DOCK11: variants seen among roughly 807,000 people sequenced by gnomAD.
DOCK11 encodes dedicator of cytokinesis protein 11.
Under a neutral mutation model 169.1 loss-of-function variants are expected in DOCK11, and 70 were observed. The ratio of observed to expected loss-of-function variants is 0.41; its 90% CI spans 0.34 to 0.51. The LOEUF (loss-of-function observed/expected upper bound fraction) is 0.51. Ranked by LOEUF, DOCK11 falls within the 20% of genes least tolerant of loss-of-function variation. The pLI is 0.10. For synonymous variants in DOCK11, 529 were observed against 541.3 expected (o/e 0.98, Z 0.32); for missense variants, 1,166 against 1,538.8 (o/e 0.76, Z 4.05).
intron 46 of DOCK11, among the ~76,000 whole-genome samples, chrX:118,674,436 G>A (rs1435548522): frequency 4.5e-5 from 5 of 112,233 alleles, no homozygotes; most frequent in African/African-American, 1.3e-4. Context: ...GTGAGCCACC[G>A]CACCTGGCCT....
At chrX:118,600,029 A>G (rs978590832) in intron 23 of DOCK11, among the ~76,000 whole-genome samples, 5 of 111,853 alleles carry the variant, frequency 4.5e-5, no homozygotes, top group African/African-American at 9.7e-5. Context: ...ACCATGACCA[A>G]GTTACTTCTC....
chrX:118,662,081 G>GAT (rs1196087940), intron 44 of DOCK11, among the ~76,000 whole-genome samples: 1 of 112,173 alleles, frequency 8.9e-6, no homozygotes. Context: ...GTCCCAGGGA[G>GAT]ATAAACATTA....
At chrX:118,649,612 G>A (rs1000243442) in intron 41 of DOCK11, among the ~76,000 whole-genome samples, 2 of 111,228 alleles carry the variant, frequency 1.8e-5, no homozygotes, top group African/African-American at 6.5e-5. Flanking sequence ...TCCACCTCCC[G>A]GGCTCAAGTG....
Position 118,593,334 on chromosome X carries a change from C to T in DOCK11, c.2260C>T (p.Pro754Ser). ...CAAAAAGCAAGACACAGTTGAAACT[C>T]CAGGTACGTGTTCTCTTTAAATGTC... Reference protein sequence around the residue: ...TTKKQDTVETPVGFAWVPLLK... With the variant: ...TTKKQDTVETSVGFAWVPLLK... The change falls in exon 20 of 53, where the codon CCA (proline) becomes TCA (serine). Residue 754 changes from proline to serine, a missense_variant. Transcript: ENST00000276202. The T allele has an allele frequency of 1.7e-6, 2 of 1,200,352 alleles. No individual in the cohort carries two copies. Among genetic ancestry groups the T allele is most frequent in the Non-Finnish European group, 2.2e-6 (2 of 891,135 alleles).
At chrX:118,556,900 G>A (rs1181755059) in intron 6 of DOCK11, among the ~76,000 whole-genome samples, 1 of 111,104 alleles carries the variant, frequency 9.0e-6, no homozygotes, top group Non-Finnish European at 1.9e-5. Flanking sequence ...CCACTCTTCA[G>A]GATCTGTGTT....
chrX:118,581,932 C>A (rs1056001305), intron 14 of DOCK11, among the ~76,000 whole-genome samples: 6 of 107,836 alleles, frequency 5.6e-5, no homozygotes, highest in African/African-American at 6.8e-5. Context: ...GAGTTCAAGA[C>A]CAGCCTGGCC....
At chrX:118,601,421 CAAAAAAA>C (rs199813534) in intron 23 of DOCK11, among the ~76,000 whole-genome samples, 8 of 54,025 alleles carry the variant, frequency 1.5e-4, no homozygotes, top group African/African-American at 4.9e-4. Context: ...GACCCTGTCT[CAAAAAAA>C]AAAAAAAAAG....
chrX:118,498,072 G>C (rs1206919990), intron 1 of DOCK11, among the ~76,000 whole-genome samples: 2 of 112,168 alleles, frequency 1.8e-5, no homozygotes, highest in Non-Finnish European at 3.8e-5. Context: ...CAGCTTACTT[G>C]GGACCAAGGT....
rs780145604 is a variant in DOCK11 at position 118,543,531 on chromosome X, A to T, written c.330A>T (p.Thr110=). ...FVKECIKTYS[T]DWHVVNYKYE... ...TTCAGTGTATTAAAACCTATAGCACAGATTGGCACGTGGTAAACTACAAGT... is the reference window on the plus strand; with the variant it reads ...TTCAGTGTATTAAAACCTATAGCACTGATTGGCACGTGGTAAACTACAAGT... The change falls in exon 4 of 53, where the codon ACA becomes ACT. Residue 110 remains threonine, a synonymous_variant. Coordinates refer to ENST00000276202, the MANE Select transcript of DOCK11 (RefSeq NM_144658.4). The T allele has an allele frequency of 8.3e-7, 1 of 1,208,313 alleles. No homozygotes were observed. The highest frequency in any genetic ancestry group is 1.1e-6 in the Non-Finnish European group (1 of 892,050).
chrX:118,557,668 G>A (rs1178225974), intron 6 of DOCK11, among the ~76,000 whole-genome samples: 1 of 104,083 alleles, frequency 9.6e-6, no homozygotes, highest in East Asian at 3.1e-4. Context: ...GGAGGCTGAG[G>A]CCGGAGAATG....
chrX:118,539,213 C>G (rs1473779009), intron 1 of DOCK11, among the ~76,000 whole-genome samples: 3 of 112,324 alleles, frequency 2.7e-5, no homozygotes, highest in Non-Finnish European at 5.6e-5. Flanking sequence ...TTTTCTATAA[C>G]ATAAATATAT....
chrX:118,527,389 C>T (rs951336129), intron 1 of DOCK11, among the ~76,000 whole-genome samples: 1 of 112,200 alleles, frequency 8.9e-6, no homozygotes, highest in Non-Finnish European at 1.9e-5. Flanking sequence ...GAATTTCCCT[C>T]TCTTACTTTT....
chrX:118,668,225 T>C (rs6655486), intron 45 of DOCK11, among the ~76,000 whole-genome samples: 4 of 111,965 alleles, frequency 3.6e-5, no homozygotes, highest in African/African-American at 1.3e-4. Context: ...GCCTTTAAGG[T>C]TTTTAGTAAA....
intron 34 of DOCK11, among the ~76,000 whole-genome samples, chrX:118,629,816 AT>A (rs67646403): frequency 0.13 from 9,744 of 75,147 alleles, 441 homozygotes; most frequent in Middle Eastern, 0.19. Context: ...ACCCAGCTAA[AT>A]TTTTTTTTTT....
intron 46 of DOCK11, 108 bp downstream of exon 46, chrX:118,671,253 A>G: frequency 1.4e-6 from 1 of 710,236 alleles, no homozygotes; most frequent in Non-Finnish European, 2.0e-6. Context: ...CCTCTGAAGA[A>G]TATAAGGTTC....
In DOCK11 at chrX:118,519,787, G is replaced by C. The variant is rs143127826; in HGVS notation, c.103-22938G>C. On this transcript the variant is annotated intron_variant, in intron 1 of 52. Transcript: ENST00000276202. ...AACTTTATTGGAATCCTTTGGAAAA[G>C]CAAAGCATAATTTTGTAATGCAAGT... is the stretch of plus-strand genomic sequence containing the variant. Among the ~76,000 whole-genome samples the C allele has an allele frequency of 3.3e-4, 37 of 111,764 alleles. No homozygotes were observed. The East Asian group carries it at 9.8e-3, about 30-fold the overall frequency.
chrX:118,647,705 A>AATAAGATAATATATAATAATTAATACAAT (rs1569440518), intron 40 of DOCK11, among the ~76,000 whole-genome samples: 1 of 52,973 alleles, frequency 1.9e-5, no homozygotes, highest in African/African-American at 7.8e-5. Flanking sequence ...TATAATATAT[A>AATAAGATAATATATAATAATTAATACAAT]ATAATATAAT....
intron 40 of DOCK11, among the ~76,000 whole-genome samples, chrX:118,645,927 G>A (rs1425557947): frequency 6.7e-5 from 7 of 105,124 alleles, no homozygotes; most frequent in Non-Finnish European, 1.4e-4. Context: ...ATGGTGGCAG[G>A]TGCCTGTAGT....
chrX:118,681,351 C>G (rs1603192858), intron 50 of DOCK11, 103 bp downstream of exon 50: 1 of 782,459 alleles, frequency 1.3e-6, no homozygotes, highest in Non-Finnish European at 1.7e-6. Flanking sequence ...TGGGCACTTA[C>G]TGAGTGCAAA....
Sources: allele counts gnomAD v4.1 joint callset (sites outside exome capture counted in the v4.1 genomes callset), GRCh38; gene constraint gnomAD v4.1.1; transcripts MANE v1.5; gene names NCBI Gene and HGNC (gene_info 2026-07-23, HGNC 2026-07-21).